Variants in GFRA1 observed in about 807,000 individuals in gnomAD.
GFRA1 encodes GDNF family receptor alpha 1.
GFRA1 carries 16 observed loss-of-function variants against 51.6 expected under a neutral mutation model. That is an observed-to-expected ratio of 0.31 (90% CI 0.21 to 0.47). GFRA1 has a LOEUF of 0.47. Ranked by LOEUF, GFRA1 falls within the 20% of genes least tolerant of loss-of-function variation. The pLI, the probability that GFRA1 is intolerant of heterozygous loss-of-function variation, is 1.00. For synonymous variants in GFRA1, 270 were observed against 241.3 expected, an observed-to-expected ratio of 1.12 and a Z score of -1.10; for missense variants, 530 against 594.3, an observed-to-expected ratio of 0.89 and a Z score of 1.13.
rs541580340 is a variant in GFRA1 at position 116,057,328 on chromosome 10, C to T, written c.*7070G>A. On this transcript the variant is annotated 3_prime_UTR_variant, in exon 11 of 11. Transcript: ENST00000355422. ...AACAAAGCTCAGTCGACCCCTCACC[C>T]CTGTTCCGAGGAGACTGGGTGTCTG... 6 of 152,314 alleles carry T rather than the reference C, an allele frequency of 3.9e-5. No individual in the cohort carries two copies. Among genetic ancestry groups the T allele is most frequent in the African/African-American group, 1.4e-4 (6 of 41,570 alleles). 9.4% of individuals were successfully genotyped at this position (152,314 alleles called of 1,614,324 possible).
chr10:116,140,659 C>T (rs1351720065), intron 5 of GFRA1, among the ~76,000 whole-genome samples: 3 of 151,876 alleles, frequency 2.0e-5, no homozygotes, highest in African/African-American at 7.3e-5. Context: ...ATGAGGTCTG[C>T]ATGTCAGAAA....
At chr10:116,091,269 A>C (rs1206452139) in intron 8 of GFRA1, among the ~76,000 whole-genome samples, 1 of 152,252 alleles carries the variant, frequency 6.6e-6, no homozygotes, top group African/African-American at 2.4e-5. Flanking sequence ...GCACTGAACT[A>C]TGCATGGGGC....
In GFRA1 at chr10:116,211,643, C is replaced by T; in HGVS notation, c.421G>A (p.Val141Ile). Residue 141 changes from valine to isoleucine, a missense_variant and splice_region_variant, in exon 5 of 11, where the codon GTT becomes ATT. Coordinates refer to ENST00000355422, the MANE Select transcript of GFRA1 (RefSeq NM_005264.8). ...ACAGTGAACTTACCTTGCTGAAAAACATCTGCCAAGAAAGAAGAAAAGTAG... is the reference window on the plus strand; with the variant it reads ...ACAGTGAACTTACCTTGCTGAAAAATATCTGCCAAGAAAGAAGAAAAGTAG... Reference protein sequence around the residue: ...IFRVVPFISDVFQQVEHIPKG... With the variant: ...IFRVVPFISDIFQQVEHIPKG... 6.4e-7 allele frequency: 1 copy of T among 1,550,602 alleles called. No individual in the cohort carries two copies. Among genetic ancestry groups the T allele is most frequent in the Non-Finnish European group, 8.7e-7 (1 of 1,146,162 alleles).
chr10:116,139,484 T>C (rs904418350), intron 5 of GFRA1, among the ~76,000 whole-genome samples: 9 of 152,206 alleles, frequency 5.9e-5, no homozygotes, highest in Non-Finnish European at 1.2e-4. Context: ...CTAGCTAGTT[T>C]TTGTGAGAAA....
At chr10:116,152,674 T>C (rs540678175) in intron 5 of GFRA1, among the ~76,000 whole-genome samples, 1 of 152,180 alleles carries the variant, frequency 6.6e-6, no homozygotes, top group Non-Finnish European at 1.5e-5. Context: ...CGAACAAACA[T>C]CCAAACCATA....
chr10:116,225,263 G>A (rs974256847), intron 4 of GFRA1, among the ~76,000 whole-genome samples: 4 of 152,100 alleles, frequency 2.6e-5, no homozygotes, highest in South Asian at 4.2e-4. Context: ...GGGGCCAGGC[G>A]TGGTGGCTCA....
intron 4 of GFRA1, among the ~76,000 whole-genome samples, chr10:116,243,519 AAGAG>A (rs1367212636): frequency 2.0e-5 from 3 of 150,530 alleles, no homozygotes. Context: ...GAAAAGAAAA[AAGAG>A]AGAATAGTAA....
intron 5 of GFRA1, among the ~76,000 whole-genome samples, chr10:116,136,465 C>G (rs1196453796): frequency 6.6e-6 from 1 of 152,192 alleles, no homozygotes; most frequent in Non-Finnish European, 1.5e-5. Context: ...AGCCGAGTAA[C>G]AAAGAATCCA....
chr10:116,177,900 G>A (rs538922578), intron 5 of GFRA1, among the ~76,000 whole-genome samples: 6 of 152,206 alleles, frequency 3.9e-5, no homozygotes, highest in Non-Finnish European at 8.8e-5. Flanking sequence ...AGAGAGCCAG[G>A]GCCATGGTAC....
At chr10:116,131,904 G>GAAAAAAA (rs71010066) in intron 5 of GFRA1, among the ~76,000 whole-genome samples, 1 of 100,172 alleles carries the variant, frequency 1.0e-5, no homozygotes, top group Admixed American at 1.1e-4. Flanking sequence ...ATCTCAAAAG[G>GAAAAAAA]AAAAAAAAAA....
intron 5 of GFRA1, among the ~76,000 whole-genome samples, chr10:116,172,040 T>C (rs1483417162): frequency 6.6e-6 from 1 of 152,168 alleles, no homozygotes; most frequent in African/African-American, 2.4e-5. Context: ...GTCCCTAGAA[T>C]ACACGTCAAG....
rs3824837 is a variant in GFRA1, at chr10:116,098,288, G to C, written c.771-1524C>G. 5.3e-4 allele frequency among the ~76,000 whole-genome samples: 81 copies of C among 152,284 alleles called. 1 individual carries two copies. In the South Asian group the frequency reaches 0.017, roughly 31 times the overall value. Reference sequence around the variant, plus strand: ...CTGCGAATGTGGCTGGGGTGTGCGCGTGTGTACGCACCTGAGTGGCAACCA... The same window carrying C: ...CTGCGAATGTGGCTGGGGTGTGCGCCTGTGTACGCACCTGAGTGGCAACCA... On this transcript the variant is annotated intron_variant, in intron 6 of 10. Coordinates refer to ENST00000355422, the MANE Select transcript of GFRA1 (RefSeq NM_005264.8).
chr10:116,078,116 CAGTT>C lies in GFRA1; in HGVS notation c.1197+11621_1197+11624del, dbSNP rs140098557. Among the ~76,000 whole-genome samples the C allele has an allele frequency of 9.5e-3, 1,449 of 152,160 alleles. 22 individuals are homozygous for C. The highest frequency in any genetic ancestry group is 0.032 in the African/African-American group (1,312 of 41,492). Reference sequence around the variant, plus strand: ...AAGATTAAATTCCTATTTTTTGTACCAGTTAGTTATACCCTGCATGTGTCCATTT... The same window carrying C: ...AAGATTAAATTCCTATTTTTTGTACCAGTTATACCCTGCATGTGTCCATTT... On this transcript the variant is annotated intron_variant, in intron 9 of 10. Transcript: ENST00000355422.
intron 4 of GFRA1, among the ~76,000 whole-genome samples, chr10:116,242,102 G>T (rs192866667): frequency 2.0e-5 from 3 of 151,746 alleles, no homozygotes; most frequent in Admixed American, 1.3e-4. Flanking sequence ...ATATAATATG[G>T]GGGCATTCTT....
At chr10:116,128,234 T>C (rs140626447) in intron 5 of GFRA1, among the ~76,000 whole-genome samples, 1 of 152,372 alleles carries the variant, frequency 6.6e-6, no homozygotes, top group Non-Finnish European at 1.5e-5. Flanking sequence ...CTGCATTTCA[T>C]TGTTTTCAAA....
At chr10:116,155,844 T>C (rs1329991507) in intron 5 of GFRA1, among the ~76,000 whole-genome samples, 4 of 152,030 alleles carry the variant, frequency 2.6e-5, no homozygotes, top group Non-Finnish European at 5.9e-5. Flanking sequence ...TGGTAAAAAA[T>C]AGATGGTTGT....
chr10:116,188,342 T>C (rs1160461263), intron 5 of GFRA1, among the ~76,000 whole-genome samples: 2 of 152,184 alleles, frequency 1.3e-5, no homozygotes, highest in African/African-American at 4.8e-5. Flanking sequence ...AGGTGGGCAA[T>C]AGTGGAACAG....
chr10:116,219,119 G>T (rs1395034494), intron 4 of GFRA1, among the ~76,000 whole-genome samples: 1 of 152,128 alleles, frequency 6.6e-6, no homozygotes, highest in African/African-American at 2.4e-5. Context: ...CGCTGACTTG[G>T]AAAAGCAATG....
intron 5 of GFRA1, among the ~76,000 whole-genome samples, chr10:116,158,136 CT>C (rs1008168132): frequency 2.0e-5 from 3 of 152,182 alleles, no homozygotes; most frequent in African/African-American, 7.2e-5. Context: ...CATCAGATCA[CT>C]TCCCCTCACC....
Sources: gnomAD v4.1 joint callset for allele counts (sites outside exome capture counted in the v4.1 genomes callset) on GRCh38, gnomAD v4.1.1 for gene constraint, MANE v1.5 for transcripts, NCBI Gene and HGNC (gene_info 2026-07-23, HGNC 2026-07-21) for gene names.